CNBP: variants seen among roughly 807,000 people sequenced by gnomAD.
The protein encoded by CNBP is CCHC-type zinc finger nucleic acid binding protein, also known as cellular nucleic acid-binding protein.
Under a neutral mutation model 21.2 loss-of-function variants are expected in CNBP, and 6 were observed. The observed-to-expected ratio is 0.28, with a 90% CI of 0.16 to 0.56. The LOEUF is 0.56. Among genes scored for constraint, CNBP ranks in the 20% least tolerant of loss-of-function variants. CNBP has a pLI of 0.93. For synonymous variants in CNBP, 61 were observed against 74.9 expected (o/e 0.81, Z 0.96); for missense variants, 112 against 233.1 (o/e 0.48, Z 3.38).
chr3:129,174,013 A>T (rs1430960863), intron 1 of CNBP, among the ~76,000 whole-genome samples: 1 of 152,150 alleles, frequency 6.6e-6, no homozygotes, highest in Non-Finnish European at 1.5e-5. Context: ...AAAAGTTCCC[A>T]TTGTCAAATA....
intron 1 of CNBP, among the ~76,000 whole-genome samples, chr3:129,174,466 G>C (rs34725415): frequency 3.0e-4 from 45 of 150,390 alleles, no homozygotes; most frequent in African/African-American, 1.0e-3. Context: ...GGGAGTTCGA[G>C]ACCAGCCTCA....
At chr3:129,171,348 C>A (rs563531287) in intron 3 of CNBP, 71 bp from the exon 4 acceptor site, 1 of 1,599,326 alleles carries the variant, frequency 6.3e-7, no homozygotes, top group Non-Finnish European at 8.6e-7. Context: ...TTAAATTATA[C>A]AATACAAAAC....
chr3:129,170,294 A>G lies in CNBP; in HGVS notation c.*159T>C. 1.6e-6 allele frequency: 1 copy of G among 644,654 alleles called. No individual in the cohort carries two copies. Among genetic ancestry groups the G allele is most frequent in the South Asian group, 1.9e-5 (1 of 53,056 alleles). The allele number at this position is 644,654 out of a possible 1,614,324, so 39.9% of individuals were successfully genotyped here. A position where few individuals can be genotyped will look rare whatever the true frequency, so the allele number is the denominator to read the frequency against. On this transcript the variant is annotated 3_prime_UTR_variant, in exon 5 of 5. Transcript: ENST00000422453. ...AACTTTTTTTGTAGTTAAATGCAGA[A>G]AGTCGGTTTTTTTCCACCCCTTTCC... is the stretch of plus-strand genomic sequence containing the variant.
chr3:129,180,713 T>C (rs1938230806), intron 1 of CNBP, among the ~76,000 whole-genome samples: 2 of 151,782 alleles, frequency 1.3e-5, no homozygotes, highest in African/African-American at 4.8e-5. Flanking sequence ...ATCATTCTTC[T>C]GGCTCTCTAC....
intron 1 of CNBP, among the ~76,000 whole-genome samples, chr3:129,174,513 A>C (rs1020878431): frequency 1.9e-4 from 29 of 151,882 alleles, no homozygotes; most frequent in African/African-American, 7.0e-4. Context: ...TAAAAATGCA[A>C]AATTAGCCAG....
At chr3:129,179,796 G>C (rs1293605507) in intron 1 of CNBP, among the ~76,000 whole-genome samples, 1 of 152,150 alleles carries the variant, frequency 6.6e-6, no homozygotes, top group African/African-American at 2.4e-5. Context: ...CATGCCATTT[G>C]CACTCCAGTG....
In CNBP at chr3:129,170,360, G is replaced by A. The variant is rs754877422; in HGVS notation, c.*93C>T. ...AGTAAAGCTCACTGGCCTGGGAGTTGCCTCTATCTGCCAACCTTTGGCCAG... is the reference window on the plus strand; with the variant it reads ...AGTAAAGCTCACTGGCCTGGGAGTTACCTCTATCTGCCAACCTTTGGCCAG... On this transcript the variant is annotated 3_prime_UTR_variant, in exon 5 of 5. Coordinates refer to ENST00000422453, the MANE Select transcript of CNBP (RefSeq NM_003418.5). 9.5e-7 allele frequency: 1 copy of A among 1,054,860 alleles called. No individual in the cohort carries two copies. The highest frequency in any genetic ancestry group is 1.5e-6 in the Non-Finnish European group (1 of 678,084). 65.3% of individuals were successfully genotyped at this position (1,054,860 alleles called of 1,614,324 possible).
intron 1 of CNBP, among the ~76,000 whole-genome samples, chr3:129,179,308 G>A (rs937419606): frequency 5.9e-5 from 9 of 152,024 alleles, no homozygotes; most frequent in African/African-American, 2.2e-4. Flanking sequence ...AAAAAGCAAT[G>A]AAAGGAAGCA....
intron 1 of CNBP, among the ~76,000 whole-genome samples, chr3:129,183,164 G>T (rs1340727723): frequency 6.6e-6 from 1 of 152,046 alleles, no homozygotes; most frequent in Non-Finnish European, 1.5e-5. Context: ...TGGTCAGGCT[G>T]GTCTCGAACT....
At chr3:129,173,076 T>C (rs1937653858) in intron 1 of CNBP, among the ~76,000 whole-genome samples, 1 of 152,192 alleles carries the variant, frequency 6.6e-6, no homozygotes, top group Admixed American at 6.5e-5. Flanking sequence ...TCTATATCCA[T>C]GGGTTCTGCA....
intron 1 of CNBP, among the ~76,000 whole-genome samples, chr3:129,174,517 T>TAG (rs1426745259): frequency 6.6e-6 from 1 of 151,616 alleles, no homozygotes; most frequent in African/African-American, 2.4e-5. Context: ...AATGCAAAAT[T>TAG]AGCCAGGCTT....
chr3:129,168,912 C>A lies in CNBP; in HGVS notation c.*1541G>T, dbSNP rs1185123131. On this transcript the variant is annotated 3_prime_UTR_variant, in exon 5 of 5. Coordinates refer to ENST00000422453, the MANE Select transcript of CNBP (RefSeq NM_003418.5). ...GAGATTGAGACCATCCTGGCTAACA[C>A]CGTGAAACCCCGTCTTTACTAAAAA... 2.7e-5 allele frequency among the ~76,000 whole-genome samples: 4 copies of A among 148,202 alleles called. No individual in the cohort carries two copies. The highest frequency in any genetic ancestry group is 6.0e-5 in the Non-Finnish European group (4 of 67,148).
At chr3:129,175,980 G>T (rs1292846667) in intron 1 of CNBP, among the ~76,000 whole-genome samples, 1 of 152,106 alleles carries the variant, frequency 6.6e-6, no homozygotes, top group Non-Finnish European at 1.5e-5. Context: ...GGTCCCTTGT[G>T]ATAGACTTGT....
At chr3:129,171,875 G>A in intron 1 of CNBP, 104 bp from the exon 2 acceptor site, 1 of 1,263,226 alleles carries the variant, frequency 7.9e-7, no homozygotes, top group Non-Finnish European at 1.1e-6. Context: ...AAAAAAGCTA[G>A]CTAATATATT....
chr3:129,175,100 C>T (rs561541144), intron 1 of CNBP, among the ~76,000 whole-genome samples: 58 of 151,730 alleles, frequency 3.8e-4, no homozygotes, highest in African/African-American at 1.3e-3. Flanking sequence ...GGGAGGCAGG[C>T]GGATCATGAG....
chr3:129,178,936 G>A (rs1014253050), intron 1 of CNBP, among the ~76,000 whole-genome samples: 11 of 151,768 alleles, frequency 7.2e-5, no homozygotes, highest in African/African-American at 2.7e-4. Flanking sequence ...TAGTAGAGAC[G>A]GGGGTTTCAC....
At chr3:129,171,600 G>A (rs781315240) in intron 2 of CNBP, 34 bp downstream of exon 2, 2 of 1,614,100 alleles carry the variant, frequency 1.2e-6, no homozygotes, top group Non-Finnish European at 1.7e-6. Context: ...AACAAATACT[G>A]AAGTACTTCA....
chr3:129,182,857 G>C (rs950476375), intron 1 of CNBP, among the ~76,000 whole-genome samples: 2 of 152,096 alleles, frequency 1.3e-5, no homozygotes, highest in East Asian at 3.8e-4. Context: ...TCAAGGATAG[G>C]GAGTATAAAC....
chr3:129,181,457 G>C (rs1320603897), intron 1 of CNBP, among the ~76,000 whole-genome samples: 3 of 151,010 alleles, frequency 2.0e-5, no homozygotes, highest in Non-Finnish European at 2.9e-5. Flanking sequence ...TTCGAGACCA[G>C]CCTGGCCAAC....
Sources: gnomAD v4.1 joint callset for allele counts (sites outside exome capture counted in the v4.1 genomes callset) on GRCh38, gnomAD v4.1.1 for gene constraint, MANE v1.5 for transcripts, NCBI Gene and HGNC (gene_info 2026-07-23, HGNC 2026-07-21) for gene names.